Variants in MEP1A observed in about 807,000 individuals in gnomAD.
MEP1A encodes the protein meprin A subunit alpha.
MEP1A carries 68 observed loss-of-function variants against 84.5 expected under a neutral mutation model. The observed-to-expected ratio is 0.80, with a 90% CI of 0.66 to 0.98. The LOEUF is 0.98. Among genes scored for constraint, MEP1A ranks in the 50% least tolerant of loss-of-function variants. MEP1A has a pLI of 0.00. For missense variants in MEP1A, 887 were observed against 919.9 expected (o/e 0.96, Z 0.46); for synonymous variants, 337 against 336.8 (o/e 1.00, Z -0.01).
intron 5 of MEP1A, among the ~76,000 whole-genome samples, chr6:46,804,243 T>C (rs556274162): frequency 2.6e-5 from 4 of 151,816 alleles, no homozygotes; most frequent in African/African-American, 9.6e-5. Flanking sequence ...CTGAAAATGA[T>C]CTTTATTTTG....
At chr6:46,833,573 T>G in intron 11 of MEP1A, 35 bp downstream of exon 11, 2 of 1,490,814 alleles carry the variant, frequency 1.3e-6, no homozygotes, top group Non-Finnish European at 1.9e-6. Context: ...AACTGCCCCT[T>G]GAACCAGAGA....
chr6:46,822,689 G>A (rs757194775), intron 7 of MEP1A, among the ~76,000 whole-genome samples: 16 of 151,900 alleles, frequency 1.1e-4, no homozygotes, highest in African/African-American at 2.4e-4. Flanking sequence ...GATGACTGGC[G>A]TCCACCACCA....
intron 7 of MEP1A, among the ~76,000 whole-genome samples, chr6:46,822,718 A>T (rs1049058682): frequency 6.6e-6 from 1 of 151,818 alleles, no homozygotes; most frequent in Admixed American, 6.6e-5. Context: ...TAATTTTTGT[A>T]TTTTTTAGTA....
chr6:46,805,524 T>G (rs1359491373), intron 5 of MEP1A, among the ~76,000 whole-genome samples: 1 of 151,956 alleles, frequency 6.6e-6, no homozygotes, highest in Admixed American at 6.6e-5. Flanking sequence ...TTCTAAGTGT[T>G]CTTTATATAT....
In MEP1A at chr6:46,829,494, A is replaced by G. The variant is rs901274757; in HGVS notation, c.1067A>G (p.Asp356Gly). Reference protein sequence around the residue: ...FFYKMTGSPSDRLVVWVRRDD... With the variant: ...FFYKMTGSPSGRLVVWVRRDD... ...TATAAAATGACGGGAAGTCCTTCAGACAGACTCGTTGTCTGGGTCAGGAGG... is the reference window on the plus strand; with the variant it reads ...TATAAAATGACGGGAAGTCCTTCAGGCAGACTCGTTGTCTGGGTCAGGAGG... The change falls in exon 10 of 14, where the codon GAC becomes GGC. Residue 356 changes from aspartate (D) to glycine (G), a missense_variant. Coordinates refer to ENST00000230588, the MANE Select transcript of MEP1A (RefSeq NM_005588.3). The G allele has an allele frequency of 3.0e-5, 48 of 1,614,080 alleles. No homozygotes were observed. Among genetic ancestry groups the G allele is most frequent in the Non-Finnish European group, 3.8e-5 (45 of 1,180,030 alleles).
At position 46,835,311 on chromosome 6, in the gene MEP1A, C is replaced by A. The variant is rs1240447104; in HGVS notation, c.1846C>A (p.Leu616Ile). The A allele has an allele frequency of 6.2e-7, 1 of 1,607,238 alleles. No homozygotes were observed. The highest frequency in any genetic ancestry group is 1.1e-5 in the South Asian group (1 of 89,560). The change falls in exon 13 of 14, where the codon CTC becomes ATC. Residue 616 changes from leucine to isoleucine, a missense_variant. Transcript: ENST00000230588. Reference protein sequence around the residue: ...TKGKRLSPQGLILQGQEQQVS... With the variant: ...TKGKRLSPQGIILQGQEQQVS... ...AGGCAAAAGACTGAGCCCCCAAGGC[C>A]TCATTCTCCAAGGCCAGGAGCAGCA... is the stretch of plus-strand genomic sequence containing the variant.
intron 13 of MEP1A, among the ~76,000 whole-genome samples, chr6:46,837,128 C>T (rs530148058): frequency 6.6e-6 from 1 of 152,310 alleles, no homozygotes; most frequent in South Asian, 2.1e-4. Context: ...CAATACTCAC[C>T]ACTGAGATCT....
Position 46,829,398 on chromosome 6 carries a change from CG to C in MEP1A, c.973del (p.Glu325LysfsTer26). The stretch of plus-strand genomic sequence containing the variant: ...CAGTTCAGCACCAGCTCGGGGTCCG[CG>C]GAAGAGGCAGCCCTACTGGAGTCTC... ...FMQFSTSSGS[A>X]EEAALLESRI... On this transcript the variant is annotated frameshift_variant, in exon 10 of 14. Coordinates refer to ENST00000230588, the MANE Select transcript of MEP1A (RefSeq NM_005588.3). LOFTEE classifies it high-confidence loss of function. 1.2e-6 allele frequency: 2 copies of C among 1,613,962 alleles called. No individual in the cohort carries two copies. Among genetic ancestry groups the C allele is most frequent in the Non-Finnish European group, 1.7e-6 (2 of 1,180,030 alleles).
chr6:46,843,843 A>C (rs1270864852), downstream of MEP1A, among the ~76,000 whole-genome samples: 1 of 152,206 alleles, frequency 6.6e-6, no homozygotes, highest in Non-Finnish European at 1.5e-5. Context: ...TATTTGGGTA[A>C]ACTGAGGCAA....
chr6:46,825,252 G>A lies in MEP1A; in HGVS notation c.557-20G>A. ...AAAATAACATGACTGAGAAGGACCT[G>A]TGGATTCTCTCCCTAACAGGTTACC... On this transcript the variant is annotated intron_variant, in intron 7 of 13. Coordinates refer to ENST00000230588, the MANE Select transcript of MEP1A (RefSeq NM_005588.3). 1 of 1,552,800 alleles carries A rather than the reference G, an allele frequency of 6.4e-7. No individual in the cohort carries two copies. Among genetic ancestry groups the A allele is most frequent in the Non-Finnish European group, 8.8e-7 (1 of 1,130,498 alleles).
In MEP1A at chr6:46,825,326, C is replaced by T. The variant is rs372727410; in HGVS notation, c.611C>T (p.Thr204Ile). 21 of 1,613,530 alleles carry T rather than the reference C, an allele frequency of 1.3e-5. No individual in the cohort carries two copies. The highest frequency in any genetic ancestry group is 1.6e-5 in the Non-Finnish European group (19 of 1,179,822). ...GATAGCTTAATCACAGACCTCAATA[C>T]ACCCTATGATTATGAGTCTTTGATG... is the stretch of plus-strand genomic sequence containing the variant. ...YDDSLITDLN[T>I]PYDYESLMHY... The change falls in exon 8 of 14, where the codon ACA becomes ATA. Residue 204 changes from threonine (T) to isoleucine (I), a missense_variant. Transcript: ENST00000230588.
intron 9 of MEP1A, among the ~76,000 whole-genome samples, chr6:46,828,002 A>T (rs1281936607): frequency 6.6e-6 from 1 of 152,174 alleles, no homozygotes; most frequent in Non-Finnish European, 1.5e-5. Flanking sequence ...TCTGCTAGAG[A>T]GCTCTTGCAT....
chr6:46,832,681 A>AT (rs1289543923), intron 10 of MEP1A, among the ~76,000 whole-genome samples: 8 of 151,732 alleles, frequency 5.3e-5, no homozygotes, highest in South Asian at 2.1e-4. Context: ...TGGAGTTACT[A>AT]TTTTTTTTAC....
In MEP1A at chr6:46,809,419, G is replaced by A; in HGVS notation, c.263-1G>A. 6.3e-7 allele frequency: 1 copy of A among 1,588,954 alleles called. No homozygotes were observed. The highest frequency in any genetic ancestry group is 8.6e-7 in the Non-Finnish European group (1 of 1,161,436). On this transcript the variant is annotated splice_acceptor_variant, in intron 5 of 13. Coordinates refer to ENST00000230588, the MANE Select transcript of MEP1A (RefSeq NM_005588.3). LOFTEE classifies it high-confidence loss of function. ...ATTGATATTTTTACTGATTTCTGCAGGGCTGAATGCTAAAGGAGCCATTCT... is the reference window on the plus strand; with the variant it reads ...ATTGATATTTTTACTGATTTCTGCAAGGCTGAATGCTAAAGGAGCCATTCT...
chr6:46,822,119 G>A (rs1767792193), intron 7 of MEP1A, among the ~76,000 whole-genome samples: 1 of 152,102 alleles, frequency 6.6e-6, no homozygotes, highest in Non-Finnish European at 1.5e-5. Context: ...GGTCTAGCAG[G>A]GGTTGACAAA....
chr6:46,832,653 G>C (rs1296776012), intron 10 of MEP1A, among the ~76,000 whole-genome samples: 2 of 152,168 alleles, frequency 1.3e-5, no homozygotes, highest in Non-Finnish European at 2.9e-5. Context: ...CTGGCAACAA[G>C]TGACAGGTCG....
At chr6:46,808,133 A>G (rs112095998) in intron 5 of MEP1A, among the ~76,000 whole-genome samples, 1 of 151,530 alleles carries the variant, frequency 6.6e-6, no homozygotes, top group Admixed American at 6.6e-5. Flanking sequence ...GCTTGCTTTC[A>G]GTATAATCAC....
intron 5 of MEP1A, among the ~76,000 whole-genome samples, chr6:46,802,981 T>C (rs1430216111): frequency 6.6e-6 from 1 of 151,746 alleles, no homozygotes; most frequent in Non-Finnish European, 1.5e-5. Flanking sequence ...TTTACCTTTT[T>C]GTAATATCTT....
At chr6:46,799,025 CTG>C (rs772258565) in intron 4 of MEP1A, 79 bp from the exon 5 acceptor site, 69 of 854,320 alleles carry the variant, frequency 8.1e-5, no homozygotes, top group Non-Finnish European at 1.3e-4. Context: ...ACTGTTTGCT[CTG>C]TGAGAGTTTA....
Sources: allele counts gnomAD v4.1 joint callset (sites outside exome capture counted in the v4.1 genomes callset), GRCh38; gene constraint gnomAD v4.1.1; transcripts MANE v1.5; gene names NCBI Gene and HGNC (gene_info 2026-07-23, HGNC 2026-07-21).